The following CMIP variants were observed in gnomAD, a reference collection of about 807,000 sequenced individuals.
CMIP encodes the protein c-Maf inducing protein, also known as C-Maf-inducing protein.
In CMIP, 13 loss-of-function variants were observed where a neutral mutation model predicts 97.3. The observed-to-expected ratio is 0.13, with a 90% CI of 0.09 to 0.21. The LOEUF is 0.21. Ranked by LOEUF, CMIP falls within the 10% of genes least tolerant of loss-of-function variation. CMIP has a pLI of 1.00. For synonymous variants in CMIP, 538 were observed against 436.3 expected (o/e 1.23, Z -2.91); for missense variants, 847 against 1,024.9 (o/e 0.83, Z 2.37).
At chr16:81,505,471 G>A (rs1338989196) in intron 1 of CMIP, among the ~76,000 whole-genome samples, 2 of 152,226 alleles carry the variant, frequency 1.3e-5, no homozygotes, top group African/African-American at 2.4e-5. Flanking sequence ...GGGTCTGTGA[G>A]CCCCAGAGCC....
chr16:81,525,700 C>G (rs536063206), intron 1 of CMIP, among the ~76,000 whole-genome samples: 120 of 152,258 alleles, frequency 7.9e-4, no homozygotes, highest in African/African-American at 2.8e-3. Context: ...CGACCATCCA[C>G]CATCATCCAT....
intron 9 of CMIP, among the ~76,000 whole-genome samples, chr16:81,672,657 C>T (rs902644534): frequency 6.6e-6 from 1 of 152,138 alleles, no homozygotes; most frequent in Non-Finnish European, 1.5e-5. Flanking sequence ...CTCACTGCAG[C>T]CTCAAACTCC....
rs576036646 is a variant in CMIP at position 81,706,924 on chromosome 16, C to T, written c.2198-90C>T. On this transcript the variant is annotated intron_variant, in intron 19 of 20. Transcript: ENST00000537098. ...CCATCTCCTAACAGGGGGCCTGGCACCTGCATTGAGCTCCTCCAGCTTGGC... is the reference window on the plus strand; with the variant it reads ...CCATCTCCTAACAGGGGGCCTGGCATCTGCATTGAGCTCCTCCAGCTTGGC... The T allele has an allele frequency of 5.6e-5, 60 of 1,080,942 alleles. 1 individual carries two copies. The East Asian group carries it at 9.4e-4, about 17-fold the overall frequency. The allele number at this position is 1,080,942 out of a possible 1,614,324, so 67.0% of individuals were successfully genotyped here. A position where few individuals can be genotyped will look rare whatever the true frequency, so the allele number is the denominator to read the frequency against.
chr16:81,634,264 T>C (rs998778521), intron 3 of CMIP, among the ~76,000 whole-genome samples: 6 of 152,252 alleles, frequency 3.9e-5, no homozygotes, highest in African/African-American at 1.4e-4. Context: ...CCATCTACTT[T>C]ATTTTCATTA....
At chr16:81,597,399 CCAAAGGTCT>C (rs1254653931) in intron 1 of CMIP, among the ~76,000 whole-genome samples, 1 of 152,160 alleles carries the variant, frequency 6.6e-6, no homozygotes, top group Non-Finnish European at 1.5e-5. Flanking sequence ...GGCGTGAAGT[CCAAAGGTCT>C]TGGTTTTCTT....
intron 10 of CMIP, 97 bp from the exon 11 acceptor site, chr16:81,691,678 G>A (rs908586363): frequency 1.1e-6 from 1 of 911,600 alleles, no homozygotes; most frequent in South Asian, 1.4e-5. Flanking sequence ...TACCTGCCAG[G>A]CTCTCACCCC....
chr16:81,542,913 A>G (rs1259596023), intron 1 of CMIP, among the ~76,000 whole-genome samples: 1 of 152,244 alleles, frequency 6.6e-6, no homozygotes, highest in Non-Finnish European at 1.5e-5. Flanking sequence ...CTAGCACGGA[A>G]GAACAGAGAG....
In CMIP at chr16:81,453,811, A is replaced by G. The variant is rs940837077; in HGVS notation, c.300+8270A>G. On this transcript the variant is annotated intron_variant, in intron 1 of 20. Transcript: ENST00000537098. This position sits in a 1 kb window ranked among gnomAD's most constrained non-coding sequence, Gnocchi z 4.0. ...CCCTAGGTCCTTCATTGTCAGGGGG[A>G]TGGGGAAAGAGTGAGCACCACAGCC... Among the ~76,000 whole-genome samples the G allele has an allele frequency of 3.3e-5, 5 of 151,982 alleles. No individual in the cohort carries two copies. Among genetic ancestry groups the G allele is most frequent in the Non-Finnish European group, 7.4e-5 (5 of 67,986 alleles).
intron 1 of CMIP, among the ~76,000 whole-genome samples, chr16:81,534,459 T>G (rs13333159): frequency 0.28 from 42,194 of 152,130 alleles, 6,055 homozygotes; most frequent in East Asian, 0.45. Context: ...TATGTAGCAG[T>G]TATTACTCTC....
At chr16:81,610,548 C>T in intron 2 of CMIP, 1 of 985,234 alleles carries the variant, frequency 1.0e-6, no homozygotes, top group South Asian at 4.7e-5. Flanking sequence ...CAGGTGGGTG[C>T]AGCCCCTGCC....
Position 81,710,274 on chromosome 16 carries a change from C to T in CMIP, c.*475C>T, listed in dbSNP as rs992359298. On this transcript the variant is annotated 3_prime_UTR_variant, in exon 21 of 21. Transcript: ENST00000537098. ...AAGAAGACCCAGTCACATCACTGCA[C>T]CCGTCCTGTGTCCTCACCATTGCTA... 2.6e-5 allele frequency: 5 copies of T among 189,608 alleles called. No individual in the cohort carries two copies. The highest frequency in any genetic ancestry group is 1.2e-4 in the African/African-American group (5 of 42,808). The allele number at this position is 189,608 out of a possible 1,614,324, so 11.7% of individuals were successfully genotyped here. A position where few individuals can be genotyped will look rare whatever the true frequency, so the allele number is the denominator to read the frequency against.
At chr16:81,514,418 C>T (rs1004982276) in intron 1 of CMIP, among the ~76,000 whole-genome samples, 16 of 152,158 alleles carry the variant, frequency 1.1e-4, no homozygotes, top group African/African-American at 3.4e-4. Flanking sequence ...GTGCAGTGGT[C>T]AGGAGTGTGA....
chr16:81,526,928 G>C (rs867962373), intron 1 of CMIP, among the ~76,000 whole-genome samples: 7 of 152,258 alleles, frequency 4.6e-5, no homozygotes, highest in South Asian at 2.1e-4. Context: ...TCTTCTCTCA[G>C]TTCCTTGGAT....
At chr16:81,518,580 C>T (rs1009975786) in intron 1 of CMIP, 4 of 152,232 alleles carry the variant, frequency 2.6e-5, no homozygotes, top group Admixed American at 2.0e-4. Context: ...GGCTTACAGG[C>T]TGTGTTTATT....
chr16:81,709,620 C>T lies in CMIP; in HGVS notation c.2269-126C>T, dbSNP rs1410038935. ...CCACCCCTCCAAGAGCCCAGGTAGCCCACAGCACCAAGGTGGGGAGAGGGT... is the reference window on the plus strand; with the variant it reads ...CCACCCCTCCAAGAGCCCAGGTAGCTCACAGCACCAAGGTGGGGAGAGGGT... On this transcript the variant is annotated intron_variant, in intron 20 of 20. Coordinates refer to ENST00000537098, the MANE Select transcript of CMIP (RefSeq NM_198390.3). 1.2e-5 allele frequency: 12 copies of T among 1,030,558 alleles called. No individual in the cohort carries two copies. The East Asian group carries it at 1.6e-4, about 13-fold the overall frequency. The allele number at this position is 1,030,558 out of a possible 1,614,324, so 63.8% of individuals were successfully genotyped here. A position where few individuals can be genotyped will look rare whatever the true frequency, so the allele number is the denominator to read the frequency against.
At chr16:81,615,245 G>C (rs576304739) in intron 2 of CMIP, among the ~76,000 whole-genome samples, 1 of 146,238 alleles carries the variant, frequency 6.8e-6, no homozygotes, top group East Asian at 2.0e-4. Context: ...ATGTGTGTCT[G>C]TGTGTGTGGT....
In CMIP at chr16:81,501,405, C is replaced by T. The variant is rs1204570358; in HGVS notation, c.300+55864C>T. Among the ~76,000 whole-genome samples the T allele has an allele frequency of 2.0e-5, 3 of 152,196 alleles. No homozygotes were observed. The East Asian group carries it at 5.8e-4, about 29-fold the overall frequency. On this transcript the variant is annotated intron_variant, in intron 1 of 20. Transcript: ENST00000537098. ...CCCCAGGGGGAGCTCTGGCAGTGCC[C>T]TGTGCCACGCATTGTATCGGGCTCC...
At chr16:81,665,594 G>C (rs2092594496) in intron 7 of CMIP, 1 of 152,158 alleles carries the variant, frequency 6.6e-6, no homozygotes, top group Non-Finnish European at 1.5e-5. Flanking sequence ...TACTGAGCCA[G>C]CCACCACGTT....
intron 3 of CMIP, among the ~76,000 whole-genome samples, chr16:81,642,473 C>A (rs893570282): frequency 1.3e-5 from 2 of 152,100 alleles, no homozygotes; most frequent in African/African-American, 4.8e-5. Context: ...AATTGGGGTC[C>A]CCTAAAAGAC....
Sources: allele counts gnomAD v4.1 joint callset (sites outside exome capture counted in the v4.1 genomes callset), GRCh38; gene constraint gnomAD v4.1.1; non-coding constraint Gnocchi (gnomAD v3.1); transcripts MANE v1.5; gene names NCBI Gene and HGNC (gene_info 2026-07-23, HGNC 2026-07-21).